CCND1: variants seen among roughly 807,000 people sequenced by gnomAD.
The protein encoded by CCND1 is cyclin D1.
Under a neutral mutation model 26.1 loss-of-function variants are expected in CCND1, and 9 were observed. The observed-to-expected ratio is 0.35, with a 90% CI of 0.21 to 0.60. The LOEUF (loss-of-function observed/expected upper bound fraction) is 0.60. Ranked by LOEUF, CCND1 falls within the 20% of genes least tolerant of loss-of-function variation. The pLI is 0.79. For synonymous variants in CCND1, 194 were observed against 166.1 expected, an observed-to-expected ratio of 1.17 and a Z score of -1.29; for missense variants, 335 against 392.9, an observed-to-expected ratio of 0.85 and a Z score of 1.25.
At chr11:69,649,956 A>G (rs1855834230) in intron 4 of CCND1, among the ~76,000 whole-genome samples, 1 of 152,202 alleles carries the variant, frequency 6.6e-6, no homozygotes, top group Non-Finnish European at 1.5e-5. Flanking sequence ...TTCATTTGCC[A>G]TGATGAGAAT....
Position 69,650,364 on chromosome 11 carries a change from G to A in CCND1, c.724-754G>A, listed in dbSNP as rs901192449. Among the ~76,000 whole-genome samples the A allele has an allele frequency of 5.9e-5, 9 of 152,242 alleles. No homozygotes were observed. The South Asian group carries it at 6.2e-4, about 10-fold the overall frequency. ...GGAGAGGCCCCTGGCTGGGCGTGGC[G>A]TTCCAGATTTCACGGCTGCTCTTTC... On this transcript the variant is annotated intron_variant, in intron 4 of 4. Transcript: ENST00000227507.
chr11:69,644,327 G>A (rs1006140252), intron 3 of CCND1: 4 of 327,234 alleles, frequency 1.2e-5, no homozygotes, highest in Admixed American at 8.8e-5. Context: ...TTGGCCACAG[G>A]GCCGCCTCCT....
intron 3 of CCND1, chr11:69,644,244 T>C (rs3918295): frequency 0.015 from 7,756 of 530,410 alleles, 475 homozygotes; most frequent in African/African-American, 0.13. Flanking sequence ...TCAGCCTGCC[T>C]GTGTCCCGTT....
chr11:69,642,979 G>T (rs1187560654), intron 1 of CCND1, 52 bp from the exon 2 acceptor site: 3 of 1,359,416 alleles, frequency 2.2e-6, no homozygotes, highest in East Asian at 2.7e-5. Context: ...GGGGGCGTGC[G>T]GGGGGGCGGC....
chr11:69,644,439 C>T (rs540491485), intron 3 of CCND1, among the ~76,000 whole-genome samples: 156 of 152,324 alleles, frequency 1.0e-3, no homozygotes, highest in African/African-American at 3.7e-3. Context: ...AGAGGCGCCT[C>T]CAGGGGCGGG....
At chr11:69,644,392 G>A (rs1413365121) in intron 3 of CCND1, among the ~76,000 whole-genome samples, 1 of 152,138 alleles carries the variant, frequency 6.6e-6, no homozygotes, top group Non-Finnish European at 1.5e-5. Context: ...AGCTGCAGAG[G>A]CCCCCTCCTG....
At position 69,653,531 on chromosome 11, in the gene CCND1, G is replaced by T; in HGVS notation, c.*2249G>T. ...TTCACTTAGCCATGGTGGACCCAGC[G>T]GGCAGGTTCTGCCTGCTTTGGCGGG... On this transcript the variant is annotated 3_prime_UTR_variant, in exon 5 of 5. Coordinates refer to ENST00000227507, the MANE Select transcript of CCND1 (RefSeq NM_053056.3). 1.8e-6 allele frequency: 1 copy of T among 554,538 alleles called. No homozygotes were observed. The highest frequency in any genetic ancestry group is 3.6e-5 in the Admixed American group (1 of 27,770). 34.4% of individuals were successfully genotyped at this position (554,538 alleles called of 1,614,324 possible). A position where few individuals can be genotyped will look rare whatever the true frequency, so the allele number is the denominator to read the frequency against.
At chr11:69,643,762 G>GCTGCC (rs1316986835) in intron 2 of CCND1, 70 bp from the exon 3 acceptor site, 4 of 1,497,946 alleles carry the variant, frequency 2.7e-6, no homozygotes, top group Admixed American at 1.9e-5. Flanking sequence ...CGGCCCCCGT[G>GCTGCC]CTGCCGGCTT....
chr11:69,652,512 G>A lies in CCND1; in HGVS notation c.*1230G>A, dbSNP rs1855867689. The A allele has an allele frequency of 4.3e-6, 1 of 233,264 alleles. No homozygotes were observed. The highest frequency in any genetic ancestry group is 1.8e-4 in the South Asian group (1 of 5,528). The allele number at this position is 233,264 out of a possible 1,614,324, so 14.4% of individuals were successfully genotyped here. On this transcript the variant is annotated 3_prime_UTR_variant, in exon 5 of 5. Transcript: ENST00000227507. ...AAGGTTTGCATTCTCACATTGCCAG[G>A]ATGATAAGTTCCTTTCCTTTTCTTT...
At chr11:69,647,300 T>C (rs533608258) in intron 3 of CCND1, among the ~76,000 whole-genome samples, 8 of 151,904 alleles carry the variant, frequency 5.3e-5, no homozygotes, top group African/African-American at 1.9e-4. Context: ...ACAGTCATGG[T>C]CCCATGGTAA....
rs942101620 is a variant in CCND1, at chr11:69,653,242, C to T, written c.*1960C>T. The T allele has an allele frequency of 1.0e-4, 73 of 700,904 alleles. 1 individual carries two copies. Among genetic ancestry groups the T allele is most frequent in the Admixed American group, 3.0e-4 (15 of 49,518 alleles). 43.4% of individuals were successfully genotyped at this position (700,904 alleles called of 1,614,324 possible). On this transcript the variant is annotated 3_prime_UTR_variant, in exon 5 of 5. Transcript: ENST00000227507. The stretch of plus-strand genomic sequence containing the variant: ...AGGCCGCAGCTCCATTTTCTTATTG[C>T]GCTGCTACCGTTGACTTCCAGGCAC...
At position 69,641,215 on chromosome 11, in the gene CCND1, G is replaced by C; in HGVS notation, c.-99G>C. 8.2e-7 allele frequency: 1 copy of C among 1,218,558 alleles called. No individual in the cohort carries two copies. Among genetic ancestry groups the C allele is most frequent in the Non-Finnish European group, 1.2e-6 (1 of 841,248 alleles). The allele number at this position is 1,218,558 out of a possible 1,614,324, so 75.5% of individuals were successfully genotyped here. A position where few individuals can be genotyped will look rare whatever the true frequency, so the allele number is the denominator to read the frequency against. On this transcript the variant is annotated 5_prime_UTR_variant, in exon 1 of 5. Coordinates refer to ENST00000227507, the MANE Select transcript of CCND1 (RefSeq NM_053056.3). Reference sequence around the variant, plus strand: ...AGTCCGCACGCTCCGGCGAGGGGCAGAAGAGCGCGAGGGAGCGCGGGGCAG... The same window carrying C: ...AGTCCGCACGCTCCGGCGAGGGGCACAAGAGCGCGAGGGAGCGCGGGGCAG...
At chr11:69,648,243 G>A in intron 4 of CCND1, 101 bp downstream of exon 4, 2 of 1,426,284 alleles carry the variant, frequency 1.4e-6, no homozygotes, top group African/African-American at 1.4e-5. Context: ...CCCCAAGGGT[G>A]ACAAGGTTGG....
chr11:69,641,875 C>A (rs1170194304), intron 1 of CCND1, among the ~76,000 whole-genome samples: 1 of 152,126 alleles, frequency 6.6e-6, no homozygotes, highest in Admixed American at 6.5e-5. Context: ...CGGCCGGGAG[C>A]CGCCAACTCC....
chr11:69,653,626 G>A lies in CCND1; in HGVS notation c.*2344G>A, dbSNP rs1011864065. On this transcript the variant is annotated 3_prime_UTR_variant, in exon 5 of 5. Coordinates refer to ENST00000227507, the MANE Select transcript of CCND1 (RefSeq NM_053056.3). ...CCGAGGCCGCGTGCGTGAGAACCGC[G>A]CCGGTGTCCCCAGAGACCAGGCTGT... 2.0e-5 allele frequency: 9 copies of A among 451,170 alleles called. No homozygotes were observed. The highest frequency in any genetic ancestry group is 7.7e-5 in the East Asian group (2 of 25,946). The allele number at this position is 451,170 out of a possible 1,614,324, so 27.9% of individuals were successfully genotyped here.
In CCND1 at chr11:69,643,187, C is replaced by T. The variant is rs2120089739; in HGVS notation, c.355C>T (p.Leu119=). The change falls in exon 2 of 5, where the codon CTG becomes TTG. Residue 119 remains leucine (L), a synonymous_variant. Coordinates refer to ENST00000227507, the MANE Select transcript of CCND1 (RefSeq NM_053056.3). Reference sequence around the variant, plus strand: ...CTCTAAGATGAAGGAGACCATCCCCCTGACGGCCGAGAAGCTGTGCATCTA... The same window carrying T: ...CTCTAAGATGAAGGAGACCATCCCCTTGACGGCCGAGAAGCTGTGCATCTA... ...VASKMKETIP[L]TAEKLCIYTD... 6.2e-7 allele frequency: 1 copy of T among 1,606,726 alleles called. No homozygotes were observed. The highest frequency in any genetic ancestry group is 8.5e-7 in the Non-Finnish European group (1 of 1,176,928).
intron 1 of CCND1, 99 bp from the exon 2 acceptor site, chr11:69,642,932 C>T: frequency 2.4e-6 from 2 of 843,950 alleles, no homozygotes; most frequent in East Asian, 6.7e-5. Context: ...CGGCGCCCTC[C>T]AGACCTGGCG....
chr11:69,649,297 C>G (rs1262523372), intron 4 of CCND1, among the ~76,000 whole-genome samples: 1 of 152,234 alleles, frequency 6.6e-6, no homozygotes, highest in East Asian at 1.9e-4. Flanking sequence ...CGCTTCCCCG[C>G]CAGGGGTGAC....
intron 3 of CCND1, among the ~76,000 whole-genome samples, chr11:69,646,011 TG>T (rs1855773795): frequency 6.6e-6 from 1 of 152,102 alleles, no homozygotes; most frequent in Admixed American, 6.5e-5. Flanking sequence ...GGAGCTTTGG[TG>T]TCTAATTCTG....
Sources: gnomAD v4.1 joint callset for allele counts (sites outside exome capture counted in the v4.1 genomes callset) on GRCh38, gnomAD v4.1.1 for gene constraint, MANE v1.5 for transcripts, NCBI Gene and HGNC (gene_info 2026-07-23, HGNC 2026-07-21) for gene names.